Variants in GALNT10 observed in about 807,000 individuals in gnomAD.
The protein encoded by GALNT10 is polypeptide N-acetylgalactosaminyltransferase 10.
A neutral mutation model predicts 75.0 loss-of-function variants in GALNT10; 41 were observed. That is an observed-to-expected ratio of 0.55 (90% confidence interval 0.43 to 0.71). The LOEUF is 0.71. Ranked by LOEUF, GALNT10 falls within the 30% of genes least tolerant of loss-of-function variation. The pLI is 0.00. For missense variants in GALNT10, 727 were observed against 818.5 expected, an observed-to-expected ratio of 0.89 and a Z score of 1.36; for synonymous variants, 302 against 313.0, an observed-to-expected ratio of 0.96 and a Z score of 0.37.
chr5:154,407,626 G>A (rs1756307534), intron 8 of GALNT10, among the ~76,000 whole-genome samples: 1 of 152,172 alleles, frequency 6.6e-6, no homozygotes, highest in African/African-American at 2.4e-5. Context: ...GTTAGACAGT[G>A]AGCCAAAAGA....
intron 1 of GALNT10, among the ~76,000 whole-genome samples, chr5:154,256,952 G>C (rs1753623987): frequency 6.6e-6 from 1 of 151,984 alleles, no homozygotes; most frequent in African/African-American, 2.4e-5. Context: ...AACCTGTGAA[G>C]TTGTCACCTT....
chr5:154,304,607 C>A (rs1754404638), intron 3 of GALNT10, among the ~76,000 whole-genome samples: 1 of 151,910 alleles, frequency 6.6e-6, no homozygotes, highest in African/African-American at 2.4e-5. Context: ...AAATAGAGAT[C>A]TTTATTTACA....
intron 1 of GALNT10, chr5:154,219,542 C>A (rs1336551285): frequency 6.6e-6 from 1 of 152,274 alleles, no homozygotes; most frequent in Non-Finnish European, 1.5e-5. Flanking sequence ...TGGGCTGTTA[C>A]CACCAGATTG....
At chr5:154,297,799 A>ACGTCCCC (rs1415637999) in intron 2 of GALNT10, 142 bp from the exon 3 acceptor site, 1 of 232,856 alleles carries the variant, frequency 4.3e-6, no homozygotes. Context: ...TACTCTTTGT[A>ACGTCCCC]CTGAGCAAAA....
chr5:154,342,243 C>T (rs1459467874), intron 4 of GALNT10, among the ~76,000 whole-genome samples: 2 of 152,128 alleles, frequency 1.3e-5, no homozygotes, highest in Non-Finnish European at 1.5e-5. Context: ...TGAGGACGTA[C>T]AAGAGGGTGC....
intron 10 of GALNT10, 112 bp downstream of exon 10, chr5:154,413,117 G>A: frequency 1.4e-6 from 1 of 692,942 alleles, no homozygotes. Context: ...TAAATGACAA[G>A]AGTCAGCCCC....
At chr5:154,270,164 C>G (rs968454167) in intron 1 of GALNT10, among the ~76,000 whole-genome samples, 2 of 151,668 alleles carry the variant, frequency 1.3e-5, no homozygotes, top group African/African-American at 2.4e-5. Context: ...CAAACTGGAG[C>G]TTCTACAAAC....
Position 154,418,710 on chromosome 5 carries a change from T to C in GALNT10, c.*1738T>C, listed in dbSNP as rs1185419139. 6.6e-6 allele frequency: 1 copy of C among 152,218 alleles called. No individual in the cohort carries two copies. Among genetic ancestry groups the C allele is most frequent in the Non-Finnish European group, 1.5e-5 (1 of 68,036 alleles). 9.4% of individuals were successfully genotyped at this position (152,218 alleles called of 1,614,324 possible). The stretch of plus-strand genomic sequence containing the variant: ...CCACCAGTCAGACTGAATGTGTAGC[T>C]GGCGAGGAATTACTTCCACTTCTGG... On this transcript the variant is annotated 3_prime_UTR_variant, in exon 12 of 12. Coordinates refer to ENST00000297107, the MANE Select transcript of GALNT10 (RefSeq NM_198321.4).
chr5:154,276,051 G>A (rs1025560527), intron 1 of GALNT10, among the ~76,000 whole-genome samples: 2 of 152,164 alleles, frequency 1.3e-5, no homozygotes, highest in Non-Finnish European at 2.9e-5. Flanking sequence ...GTAACAAGTC[G>A]CTACATATTT....
intron 1 of GALNT10, among the ~76,000 whole-genome samples, chr5:154,203,222 G>A (rs929442109): frequency 4.6e-5 from 7 of 152,032 alleles, no homozygotes; most frequent in African/African-American, 1.7e-4. Flanking sequence ...TCCCCTCTCT[G>A]TCTGTGTGTG....
chr5:154,297,958 A>G lies in GALNT10; in HGVS notation c.280A>G (p.Arg94Gly). 6.2e-7 allele frequency: 1 copy of G among 1,613,810 alleles called. No homozygotes were observed. The highest frequency in any genetic ancestry group is 8.5e-7 in the Non-Finnish European group (1 of 1,179,816). The part of the protein sequence containing the change: ...AQRVGNGEQG[R>G]PYPMTDAERV... ...GCTTCTAGGAAATGGAGAACAAGGA[A>G]GACCTTACCCCATGACCGATGCTGA... Residue 94 changes from arginine to glycine, a missense_variant, in exon 3 of 12, where the codon AGA becomes GGA. Arg to Gly is a moderately radical substitution (Grantham distance 125). Transcript: ENST00000297107.
intron 1 of GALNT10, among the ~76,000 whole-genome samples, chr5:154,236,409 T>C (rs1327692153): frequency 6.6e-6 from 1 of 152,260 alleles, no homozygotes; most frequent in Non-Finnish European, 1.5e-5. Flanking sequence ...TTAAATGAGC[T>C]ACTTTCCATA....
intron 3 of GALNT10, among the ~76,000 whole-genome samples, chr5:154,320,389 C>T (rs1216268641): frequency 6.6e-6 from 1 of 152,170 alleles, no homozygotes; most frequent in Non-Finnish European, 1.5e-5. Flanking sequence ...GGCTCTGGGC[C>T]TGGAGTGAGT....
intron 1 of GALNT10, among the ~76,000 whole-genome samples, chr5:154,267,231 A>G (rs1753791769): frequency 6.6e-6 from 1 of 152,222 alleles, no homozygotes; most frequent in South Asian, 2.1e-4. Flanking sequence ...TTTAAGGTGA[A>G]GCAAAGTAGC....
At chr5:154,253,223 C>A (rs928575078) in intron 1 of GALNT10, among the ~76,000 whole-genome samples, 7 of 151,650 alleles carry the variant, frequency 4.6e-5, no homozygotes, top group African/African-American at 1.7e-4. Context: ...CTTTCATTGT[C>A]TATAGAAAGT....
chr5:154,333,438 G>A (rs915500511), intron 4 of GALNT10, among the ~76,000 whole-genome samples: 1 of 152,118 alleles, frequency 6.6e-6, no homozygotes, highest in Non-Finnish European at 1.5e-5. Context: ...GTATTACGGT[G>A]CAAACTTTTT....
chr5:154,351,281 G>A (rs1032980628), intron 4 of GALNT10, among the ~76,000 whole-genome samples: 3 of 152,188 alleles, frequency 2.0e-5, no homozygotes, highest in Non-Finnish European at 4.4e-5. Flanking sequence ...AGTGGGATGT[G>A]AGACAGGATT....
In GALNT10 at chr5:154,412,927, G is replaced by T; in HGVS notation, c.1425G>T (p.Lys475Asn). 6 of 1,613,866 alleles carry T rather than the reference G, an allele frequency of 3.7e-6. No homozygotes were observed. Among genetic ancestry groups the T allele is most frequent in the Non-Finnish European group, 5.1e-6 (6 of 1,179,858 alleles). ...GCACAGGGCTGTGTGCAGACACAAA[G>T]CACGGGGCCTTGGGCTCCCCACTAA... ...NVGTGLCADT[K>N]HGALGSPLRL... Residue 475 changes from lysine (K) to asparagine (N), a missense_variant, in exon 10 of 12, where the codon AAG (lysine) becomes AAT (asparagine). By Grantham distance (94) the Lys-to-Asn change is moderately conservative. Transcript: ENST00000297107. This position sits in a 1 kb window ranked among gnomAD's most constrained non-coding sequence, Gnocchi z 4.2.
At chr5:154,209,783 ACAGT>A (rs1488142310) in intron 1 of GALNT10, among the ~76,000 whole-genome samples, 3 of 152,184 alleles carry the variant, frequency 2.0e-5, no homozygotes, top group Non-Finnish European at 4.4e-5. Context: ...GGGTCATGTA[ACAGT>A]CAGTCTCTAA....
Sources: gnomAD v4.1 joint callset for allele counts (sites outside exome capture counted in the v4.1 genomes callset) on GRCh38, gnomAD v4.1.1 for gene constraint, Gnocchi (gnomAD v3.1) non-coding constraint, MANE v1.5 for transcripts, NCBI Gene and HGNC (gene_info 2026-07-23, HGNC 2026-07-21) for gene names.